Variants in USPL1 observed in about 807,000 individuals in gnomAD.
USPL1 encodes the protein SUMO-specific isopeptidase USPL1.
A neutral mutation model predicts 51.5 loss-of-function variants in USPL1; 27 were observed. That is an observed-to-expected ratio of 0.52 (90% CI 0.39 to 0.72). The LOEUF is 0.72. Ranked by LOEUF, USPL1 falls within the 30% of genes least tolerant of loss-of-function variation. The probability of loss-of-function intolerance (pLI) is 0.00; values close to 1 mark genes in which losing one functional copy is unlikely to be tolerated. For missense variants in USPL1, 1,226 were observed against 1,268.0 expected (o/e 0.97, Z 0.50); for synonymous variants, 451 against 459.6 (o/e 0.98, Z 0.24).
intron 8 of USPL1, among the ~76,000 whole-genome samples, chr13:30,656,809 C>T (rs1351816258): frequency 6.6e-6 from 1 of 151,936 alleles, no homozygotes; most frequent in East Asian, 1.9e-4. Context: ...TCCAATTTCT[C>T]TACATCCTTG....
chr13:30,626,634 A>G (rs988160293), intron 3 of USPL1, among the ~76,000 whole-genome samples: 4 of 152,132 alleles, frequency 2.6e-5, no homozygotes, highest in Non-Finnish European at 4.4e-5. Context: ...TTTGGAGTTT[A>G]CTCTGCTGTA....
At chr13:30,645,373 C>T (rs768213199) in intron 6 of USPL1, among the ~76,000 whole-genome samples, 5 of 152,072 alleles carry the variant, frequency 3.3e-5, no homozygotes, top group South Asian at 2.1e-4. Context: ...CCAGTGACTT[C>T]GTAATTAATC....
intron 8 of USPL1, 68 bp from the exon 9 acceptor site, chr13:30,657,406 C>A: frequency 6.8e-7 from 1 of 1,472,460 alleles, no homozygotes; most frequent in Non-Finnish European, 9.1e-7. Flanking sequence ...GTTGAAAAGG[C>A]CAGAAGAAAG....
chr13:30,642,033 A>G (rs1315205702), intron 5 of USPL1, among the ~76,000 whole-genome samples: 1 of 152,114 alleles, frequency 6.6e-6, no homozygotes, highest in Non-Finnish European at 1.5e-5. Flanking sequence ...TAGCCTCCTA[A>G]GTAGCTTGGA....
chr13:30,644,459 G>A (rs1455145918), intron 6 of USPL1, among the ~76,000 whole-genome samples: 1 of 151,790 alleles, frequency 6.6e-6, no homozygotes, highest in Non-Finnish European at 1.5e-5. Context: ...AACAGGGTAA[G>A]GGAGGCCACA....
intron 6 of USPL1, among the ~76,000 whole-genome samples, chr13:30,646,700 C>G (rs921464150): frequency 6.6e-6 from 1 of 152,286 alleles, no homozygotes; most frequent in Middle Eastern, 3.4e-3. Flanking sequence ...ATTGAGGAAC[C>G]CTGTCTTTTT....
rs756571583 is a variant in USPL1, at chr13:30,621,867, C to T, written c.203C>T (p.Ser68Phe). 1 of 1,566,554 alleles carries T rather than the reference C, an allele frequency of 6.4e-7. No individual in the cohort carries two copies. Among genetic ancestry groups the T allele is most frequent in the Non-Finnish European group, 8.6e-7 (1 of 1,158,618 alleles). Residue 68 changes from serine to phenylalanine, a missense_variant, in exon 3 of 9, where the codon TCT (serine) becomes TTT (phenylalanine). By Grantham distance (155) the Ser-to-Phe change is radical. Coordinates refer to ENST00000255304, the MANE Select transcript of USPL1 (RefSeq NM_005800.5). ...ACTTACCGAATTAGTTTTCAAGAAT[C>T]TATCTTTTTGTGTGAGGATCTGCAG... is the stretch of plus-strand genomic sequence containing the variant. ...LKTYRISFQE[S>F]IFLCEDLQCI... is the part of the protein sequence containing the mutation.
intron 7 of USPL1, among the ~76,000 whole-genome samples, 175 bp from the exon 8 acceptor site, chr13:30,652,970 ACTT>A (rs1456388932): frequency 6.6e-6 from 1 of 152,184 alleles, no homozygotes; most frequent in Non-Finnish European, 1.5e-5. Flanking sequence ...AGTGTTACAT[ACTT>A]CTTAGAGAGA....
In USPL1 at chr13:30,636,745, G is replaced by A. The variant is rs1044291586; in HGVS notation, c.869-999G>A. Among the ~76,000 whole-genome samples, 3 of 152,176 alleles carry A rather than the reference G, an allele frequency of 2.0e-5. No homozygotes were observed. In the East Asian group the frequency reaches 5.8e-4, roughly 29 times the overall value. ...GCAATAGGAGAATGATTAATAAAGC[G>A]ATGTTTCAGCTGAATATAGTGGCAT... On this transcript the variant is annotated intron_variant, in intron 4 of 8. Coordinates refer to ENST00000255304, the MANE Select transcript of USPL1 (RefSeq NM_005800.5).
At chr13:30,639,846 A>C (rs1023412751) in intron 5 of USPL1, among the ~76,000 whole-genome samples, 2 of 152,218 alleles carry the variant, frequency 1.3e-5, no homozygotes, top group Non-Finnish European at 2.9e-5. Flanking sequence ...AGTTGAATTA[A>C]AGAATGGTTT....
chr13:30,623,287 T>C (rs534063548), intron 3 of USPL1, among the ~76,000 whole-genome samples: 1 of 152,166 alleles, frequency 6.6e-6, no homozygotes, highest in East Asian at 1.9e-4. Context: ...AGCAGAGCGA[T>C]AGAAGGTGGA....
intron 4 of USPL1, among the ~76,000 whole-genome samples, chr13:30,631,977 T>G (rs1029833427): frequency 1.3e-5 from 2 of 152,054 alleles, no homozygotes; most frequent in Non-Finnish European, 2.9e-5. Flanking sequence ...TTGTTTTTTT[T>G]TTTTATACTT....
In USPL1 at chr13:30,658,912, A is replaced by G. The variant is rs1218355925; in HGVS notation, c.2835A>G (p.Pro945=). The G allele has an allele frequency of 6.2e-7, 1 of 1,614,100 alleles. No homozygotes were observed. Among genetic ancestry groups the G allele is most frequent in the African/African-American group, 1.3e-5 (1 of 74,922 alleles). ...IEDLLNELPY[P]IDIASESACT... ...ACTTGTTAAATGAGCTACCATATCC[A>G]ATTGATATTGCCAGTGAGTCTGCAT... The change falls in exon 9 of 9, where the codon CCA becomes CCG. Residue 945 remains proline (P), a synonymous_variant. Coordinates refer to ENST00000255304, the MANE Select transcript of USPL1 (RefSeq NM_005800.5).
At position 30,630,232 on chromosome 13, in the gene USPL1, G is replaced by C. The variant is rs558912823; in HGVS notation, c.229-603G>C. ...ATATTCTGGTAGTTTTTAAACTTAGGAAAGACCCACTGATTCTTTTAGTGA... is the reference window on the plus strand; with the variant it reads ...ATATTCTGGTAGTTTTTAAACTTAGCAAAGACCCACTGATTCTTTTAGTGA... On this transcript the variant is annotated intron_variant, in intron 3 of 8. Coordinates refer to ENST00000255304, the MANE Select transcript of USPL1 (RefSeq NM_005800.5). Among the ~76,000 whole-genome samples the C allele has an allele frequency of 5.3e-5, 8 of 152,230 alleles. No individual in the cohort carries two copies. The East Asian group carries it at 1.3e-3, about 26-fold the overall frequency.
At chr13:30,629,779 C>T (rs1306587919) in intron 3 of USPL1, among the ~76,000 whole-genome samples, 1 of 152,080 alleles carries the variant, frequency 6.6e-6, no homozygotes, top group Non-Finnish European at 1.5e-5. Flanking sequence ...CTTATCAGGC[C>T]TCTATGTATA....
At chr13:30,648,382 T>C (rs1200352074) in intron 7 of USPL1, among the ~76,000 whole-genome samples, 2 of 152,162 alleles carry the variant, frequency 1.3e-5, no homozygotes, top group African/African-American at 2.4e-5. Context: ...TTTCACTCTT[T>C]GCTGCAGTCT....
intron 3 of USPL1, among the ~76,000 whole-genome samples, chr13:30,626,428 G>A (rs1046279441): frequency 2.0e-5 from 3 of 152,128 alleles, no homozygotes; most frequent in South Asian, 4.1e-4. Flanking sequence ...AAGTTTTACC[G>A]GAACATAGCC....
chr13:30,638,532 TAGAGAGTCTGTCCAAACCTTTCTAA>T (rs1330566101), intron 5 of USPL1, among the ~76,000 whole-genome samples: 1 of 152,174 alleles, frequency 6.6e-6, no homozygotes, highest in Non-Finnish European at 1.5e-5. Flanking sequence ...GCAAGTGAGC[TAGAGAGTCTGTCCAAACCTTTCTAA>T]ATTTTTTTAG....
intron 4 of USPL1, among the ~76,000 whole-genome samples, chr13:30,633,589 G>C (rs747954859): frequency 1.3e-5 from 2 of 151,864 alleles, no homozygotes; most frequent in Admixed American, 6.6e-5. Flanking sequence ...TGGCCAACAT[G>C]GTGAAACCCC....
Sources: gnomAD v4.1 joint callset for allele counts (sites outside exome capture counted in the v4.1 genomes callset) on GRCh38, gnomAD v4.1.1 for gene constraint, MANE v1.5 for transcripts, NCBI Gene and HGNC (gene_info 2026-07-23, HGNC 2026-07-21) for gene names.